Variants in GABBR2 observed in about 807,000 individuals in gnomAD.
GABBR2 encodes G-protein coupled receptor 51.
GABBR2 carries 23 observed loss-of-function variants against 105.6 expected under a neutral mutation model. The ratio of observed to expected loss-of-function variants is 0.22; its 90% CI spans 0.16 to 0.31. The LOEUF is 0.31. Among genes scored for constraint, GABBR2 ranks in the 10% least tolerant of loss-of-function variants. GABBR2 has a pLI of 1.00. For missense variants in GABBR2, 734 were observed against 1,245.5 expected, an observed-to-expected ratio of 0.59 and a Z score of 6.18; for synonymous variants, 478 against 499.7, an observed-to-expected ratio of 0.96 and a Z score of 0.58.
intron 8 of GABBR2, among the ~76,000 whole-genome samples, chr9:98,404,726 A>G (rs568368930): frequency 6.6e-6 from 1 of 152,176 alleles, no homozygotes; most frequent in African/African-American, 2.4e-5. Flanking sequence ...TTTTTCCCTC[A>G]TCACACAAAG....
intron 6 of GABBR2, among the ~76,000 whole-genome samples, chr9:98,466,822 A>G (rs1330380959): frequency 2.6e-5 from 4 of 152,234 alleles, no homozygotes; most frequent in Non-Finnish European, 4.4e-5. Flanking sequence ...TCTTTCTCAT[A>G]TAAAAGATGT....
At chr9:98,296,627 A>T (rs1029350733) in intron 17 of GABBR2, among the ~76,000 whole-genome samples, 1 of 152,220 alleles carries the variant, frequency 6.6e-6, no homozygotes, top group Non-Finnish European at 1.5e-5. Context: ...TCCTTTAATA[A>T]GGAATGAGAT....
At chr9:98,350,773 T>C (rs2131423125) in intron 13 of GABBR2, among the ~76,000 whole-genome samples, 1 of 152,352 alleles carries the variant, frequency 6.6e-6, no homozygotes, top group South Asian at 2.1e-4. Flanking sequence ...ACAATGTACA[T>C]TAATTCTGAC....
At chr9:98,397,139 A>G (rs909548441) in intron 8 of GABBR2, among the ~76,000 whole-genome samples, 1 of 152,172 alleles carries the variant, frequency 6.6e-6, no homozygotes, top group African/African-American at 2.4e-5. Flanking sequence ...AGGGCTGCCA[A>G]TCATTCAGCC....
chr9:98,472,128 C>A (rs1219156656), intron 6 of GABBR2, among the ~76,000 whole-genome samples: 1 of 151,996 alleles, frequency 6.6e-6, no homozygotes, highest in African/African-American at 2.4e-5. Flanking sequence ...AAAATTTGGT[C>A]TGTAAGAACC....
intron 13 of GABBR2, among the ~76,000 whole-genome samples, chr9:98,341,549 C>A (rs977716796): frequency 1.3e-5 from 2 of 152,210 alleles, no homozygotes; most frequent in Admixed American, 1.3e-4. Context: ...ATGGTTATTG[C>A]GGCTGAGCGT....
intron 16 of GABBR2, among the ~76,000 whole-genome samples, chr9:98,300,928 G>C (rs1297228627): frequency 1.3e-5 from 2 of 152,184 alleles, no homozygotes; most frequent in Non-Finnish European, 2.9e-5. Context: ...CTCGTGTAAT[G>C]AAGCCTCCAT....
At chr9:98,474,972 G>T (rs1471405503) in intron 5 of GABBR2, among the ~76,000 whole-genome samples, 18 of 152,026 alleles carry the variant, frequency 1.2e-4, no homozygotes, top group Admixed American at 1.2e-3. Flanking sequence ...TTTGTTCCTT[G>T]ACTTAAGCTC....
intron 1 of GABBR2, among the ~76,000 whole-genome samples, chr9:98,663,168 AG>A (rs1291155401): frequency 6.8e-6 from 1 of 147,114 alleles, no homozygotes; most frequent in Non-Finnish European, 1.5e-5. Flanking sequence ...AAGACAGTGG[AG>A]GGAGAAATCA....
intron 6 of GABBR2, among the ~76,000 whole-genome samples, chr9:98,455,550 CTG>C (rs1200213658): frequency 6.6e-6 from 1 of 152,092 alleles, no homozygotes; most frequent in East Asian, 1.9e-4. Context: ...GTTACACAGC[CTG>C]TGTGTGTGTG....
intron 2 of GABBR2, among the ~76,000 whole-genome samples, chr9:98,551,736 G>A (rs554460477): frequency 6.6e-6 from 1 of 152,328 alleles, no homozygotes; most frequent in East Asian, 1.9e-4. Flanking sequence ...TGAATGCAGA[G>A]AGAAGTGGTG....
intron 1 of GABBR2, among the ~76,000 whole-genome samples, chr9:98,689,029 A>G (rs1357451219): frequency 6.6e-6 from 1 of 152,264 alleles, no homozygotes; most frequent in African/African-American, 2.4e-5. Context: ...CACCACTATC[A>G]TGAAGACTCC....
intron 7 of GABBR2, among the ~76,000 whole-genome samples, chr9:98,439,281 T>C (rs1825989092): frequency 6.6e-6 from 1 of 152,212 alleles, no homozygotes; most frequent in Non-Finnish European, 1.5e-5. Context: ...GCTGCCAGGC[T>C]GTCCTCCAGG....
rs557067481 is a variant in GABBR2, at chr9:98,686,102, A to T, written c.321+22315T>A. Among the ~76,000 whole-genome samples, 3 of 151,114 alleles carry T rather than the reference A, an allele frequency of 2.0e-5. No homozygotes were observed. The South Asian group carries it at 6.2e-4, about 31-fold the overall frequency. On this transcript the variant is annotated intron_variant, in intron 1 of 18. Transcript: ENST00000259455. ...ACCAAGACCCGTGTGAAGCTGTCTT[A>T]GCTAGAAACCTTCACCCTTGATATC...
chr9:98,546,570 G>A (rs1828406076), intron 2 of GABBR2, among the ~76,000 whole-genome samples: 1 of 152,148 alleles, frequency 6.6e-6, no homozygotes, highest in Non-Finnish European at 1.5e-5. Flanking sequence ...GTTTGATACT[G>A]TATCACGCTT....
At chr9:98,550,923 T>C (rs1168525409) in intron 2 of GABBR2, among the ~76,000 whole-genome samples, 1 of 151,508 alleles carries the variant, frequency 6.6e-6, no homozygotes, top group African/African-American at 2.4e-5. Flanking sequence ...GATTTTTGTT[T>C]TTATTTCCTC....
At chr9:98,571,754 C>A (rs1828834510) in intron 2 of GABBR2, among the ~76,000 whole-genome samples, 1 of 152,148 alleles carries the variant, frequency 6.6e-6, no homozygotes, top group African/African-American at 2.4e-5. Flanking sequence ...GAACCTTGGC[C>A]CACAGGGAAC....
intron 1 of GABBR2, among the ~76,000 whole-genome samples, chr9:98,588,294 T>C (rs1228045198): frequency 2.6e-5 from 4 of 152,198 alleles, no homozygotes; most frequent in African/African-American, 4.8e-5. Flanking sequence ...AACTAATTCA[T>C]TGAAACATTT....
At chr9:98,692,157 G>A (rs1351464328) in intron 1 of GABBR2, among the ~76,000 whole-genome samples, 9 of 152,180 alleles carry the variant, frequency 5.9e-5, no homozygotes, top group East Asian at 1.9e-4. Context: ...AGGGTCACTT[G>A]CTTGCATGTG....
Sources: allele counts gnomAD v4.1 joint callset (sites outside exome capture counted in the v4.1 genomes callset), GRCh38; gene constraint gnomAD v4.1.1; transcripts MANE v1.5; gene names NCBI Gene and HGNC (gene_info 2026-07-23, HGNC 2026-07-21).